LYST: variants seen among roughly 807,000 people sequenced by gnomAD.
LYST encodes the protein lysosomal-trafficking regulator.
In LYST, 192 loss-of-function variants were observed where a neutral mutation model predicts 413.6. The ratio of observed to expected loss-of-function variants is 0.46; its 90% CI spans 0.41 to 0.52. LYST has a LOEUF of 0.52. Among genes scored for constraint, LYST ranks in the 20% least tolerant of loss-of-function variants. The probability of loss-of-function intolerance (pLI) is 0.00; values close to 1 mark genes in which losing one functional copy is unlikely to be tolerated. For missense variants in LYST, 3,815 were observed against 4,499.9 expected, an observed-to-expected ratio of 0.85 and a Z score of 4.35; for synonymous variants, 1,525 against 1,567.3, an observed-to-expected ratio of 0.97 and a Z score of 0.64.
At chr1:235,780,610 A>T (rs1330271407) in intron 16 of LYST, among the ~76,000 whole-genome samples, 2 of 152,054 alleles carry the variant, frequency 1.3e-5, no homozygotes, top group African/African-American at 4.8e-5. Flanking sequence ...GTAGGTATAA[A>T]ATAAACTAAA....
Position 235,662,622 on chromosome 1 carries a change from G to A in LYST, c.*318C>T, listed in dbSNP as rs566381142. Reference sequence around the variant, plus strand: ...TCCTTTTGGAATCATAGAAAAAGGGGAGACCTTAATATTTTCTTTGGAATA... The same window carrying A: ...TCCTTTTGGAATCATAGAAAAAGGGAAGACCTTAATATTTTCTTTGGAATA... On this transcript the variant is annotated 3_prime_UTR_variant, in exon 53 of 53. Transcript: ENST00000389793. 1 of 365,566 alleles carries A rather than the reference G, an allele frequency of 2.7e-6. No homozygotes were observed. The highest frequency in any genetic ancestry group is 2.4e-5 in the South Asian group (1 of 40,980). The allele number at this position is 365,566 out of a possible 1,614,324, so 22.6% of individuals were successfully genotyped here. A position where few individuals can be genotyped will look rare whatever the true frequency, so the allele number is the denominator to read the frequency against.
chr1:235,734,102 G>C (rs1052803149), intron 32 of LYST, among the ~76,000 whole-genome samples, 196 bp from the exon 33 acceptor site: 1 of 151,730 alleles, frequency 6.6e-6, no homozygotes. Context: ...TATAATTTAG[G>C]TCACATAAGT....
chr1:235,754,882 T>C (rs927382535), intron 25 of LYST, among the ~76,000 whole-genome samples: 4 of 150,956 alleles, frequency 2.6e-5, no homozygotes, highest in Non-Finnish European at 4.4e-5. Context: ...GAGACCAGCC[T>C]GGGAAACACT....
At chr1:235,797,542 G>A (rs1007696924) in intron 10 of LYST, among the ~76,000 whole-genome samples, 2 of 152,044 alleles carry the variant, frequency 1.3e-5, no homozygotes, top group Non-Finnish European at 2.9e-5. Context: ...TTCAACAAAC[G>A]ATGCTGAGAA....
Position 235,709,071 on chromosome 1 carries a change from GT to G in LYST, c.10143+19del. ...GTTCTATCTTATATAAATACAGATT[GT>G]TTTAAAAGAGTCACTTACAGCAGGA... On this transcript the variant is annotated intron_variant, in intron 44 of 52. Transcript: ENST00000389793. The G allele has an allele frequency of 6.2e-7, 1 of 1,602,772 alleles. No individual in the cohort carries two copies. The highest frequency in any genetic ancestry group is 8.5e-7 in the Non-Finnish European group (1 of 1,169,692).
In LYST at chr1:235,727,647, GAAT is replaced by G. The variant is rs199582207; in HGVS notation, c.9162+426_9162+428del. Among the ~76,000 whole-genome samples the G allele has an allele frequency of 3.3e-4, 50 of 152,064 alleles. No individual in the cohort carries two copies. In the East Asian group the frequency reaches 8.9e-3, roughly 27 times the overall value. On this transcript the variant is annotated intron_variant, in intron 38 of 52. Transcript: ENST00000389793. ...TTTCTGATTAATATCAGTCTGTCTA[GAAT>G]AATAACAATTATCATTATTAAGCTA... is the stretch of plus-strand genomic sequence containing the variant.
At position 235,775,054 on chromosome 1, in the gene LYST, T is replaced by G; in HGVS notation, c.5493A>C (p.Gln1831His). The G allele has an allele frequency of 6.2e-7, 1 of 1,612,078 alleles. No individual in the cohort carries two copies. Among genetic ancestry groups the G allele is most frequent in the Non-Finnish European group, 8.5e-7 (1 of 1,179,642 alleles). ...AGAGTATAACTCGCAGTGCTAATGC[T>G]TGAGTTTCTTCACAGCTACTGAGTT... ...VVELSSCEETQALALRVILSL... is the reference protein window; with the variant it reads ...VVELSSCEETHALALRVILSL... The change falls in exon 18 of 53, where the codon CAA (glutamine) becomes CAC (histidine). Residue 1831 changes from glutamine to histidine, a missense_variant. By Grantham distance (24) the Gln-to-His change is conservative. Coordinates refer to ENST00000389793, the MANE Select transcript of LYST (RefSeq NM_000081.4).
upstream of LYST, among the ~76,000 whole-genome samples, chr1:235,867,800 C>T (rs991068277): frequency 2.0e-5 from 3 of 152,138 alleles, no homozygotes; most frequent in Admixed American, 2.0e-4. Context: ...TGTAATCGTT[C>T]GGTAGTTTTC....
At chr1:235,717,679 AG>A (rs1662964658) in intron 40 of LYST, among the ~76,000 whole-genome samples, 1 of 151,962 alleles carries the variant, frequency 6.6e-6, no homozygotes, top group African/African-American at 2.4e-5. Flanking sequence ...GAGTCAAACC[AG>A]GTCTGCTTAA....
At chr1:235,722,282 A>T (rs1195331000) in intron 39 of LYST, among the ~76,000 whole-genome samples, 1 of 152,194 alleles carries the variant, frequency 6.6e-6, no homozygotes, top group East Asian at 1.9e-4. Flanking sequence ...TGAATGTGAC[A>T]TGAAAGTGAT....
At chr1:235,730,177 TTC>T (rs1664239088) in intron 36 of LYST, among the ~76,000 whole-genome samples, 1 of 152,084 alleles carries the variant, frequency 6.6e-6, no homozygotes, top group African/African-American at 2.4e-5. Flanking sequence ...GCCAATTATC[TTC>T]TTTGTGTCTC....
chr1:235,880,815 A>AT (rs960347679), intron 1 of LYST, among the ~76,000 whole-genome samples: 40 of 152,200 alleles, frequency 2.6e-4, no homozygotes, highest in African/African-American at 8.9e-4. Context: ...GTATTGCTGC[A>AT]TTTTTTCCTT....
At chr1:235,776,650 T>C (rs1669273712) in intron 17 of LYST, among the ~76,000 whole-genome samples, 2 of 151,978 alleles carry the variant, frequency 1.3e-5, no homozygotes, top group Non-Finnish European at 2.9e-5. Flanking sequence ...ACTTTATATG[T>C]CTCTTTTTTG....
In LYST at chr1:235,818,574, A is replaced by G. The variant is rs140371239; in HGVS notation, c.193-5513T>C. The stretch of plus-strand genomic sequence containing the variant: ...AGATGTACAGATAACATTTCCATGT[A>G]TAGCTCATACTCAGTATACCTCAAC... On this transcript the variant is annotated intron_variant, in intron 3 of 52. Coordinates refer to ENST00000389793, the MANE Select transcript of LYST (RefSeq NM_000081.4). Among the ~76,000 whole-genome samples the G allele has an allele frequency of 6.3e-3, 962 of 152,326 alleles. 8 individuals carry two copies. Among genetic ancestry groups the G allele is most frequent in the African/African-American group, 0.022 (916 of 41,566 alleles).
intron 13 of LYST, 151 bp downstream of exon 13, chr1:235,788,550 G>T (rs1572260225): frequency 2.9e-6 from 2 of 697,230 alleles, no homozygotes; most frequent in East Asian, 5.4e-5. Flanking sequence ...TTATAAAAGT[G>T]GTATTAATAG....
At chr1:235,774,109 A>G in intron 18 of LYST, 118 bp from the exon 19 acceptor site, 2 of 720,950 alleles carry the variant, frequency 2.8e-6, no homozygotes, top group Admixed American at 2.3e-5. Context: ...GCTAGTAAAT[A>G]ATTTAACACT....
chr1:235,862,806 AACACAC>A (rs57043954), intron 1 of LYST, among the ~76,000 whole-genome samples: 13,737 of 121,432 alleles, frequency 0.11, 664 homozygotes, highest in South Asian at 0.15. Context: ...AAAACAAACA[AACACAC>A]ACACACACAC....
intron 20 of LYST, among the ~76,000 whole-genome samples, chr1:235,767,823 G>T (rs550144040): frequency 1.1e-3 from 174 of 152,214 alleles, no homozygotes; most frequent in African/African-American, 4.0e-3. Context: ...AAGTCATTAA[G>T]AATTTCTGAG....
intron 3 of LYST, among the ~76,000 whole-genome samples, chr1:235,818,219 A>G (rs1401256375): frequency 6.6e-6 from 1 of 152,178 alleles, no homozygotes; most frequent in Non-Finnish European, 1.5e-5. Flanking sequence ...GGAGAGGGCT[A>G]GGAGACAAGG....
Sources: gnomAD v4.1 joint callset for allele counts (sites outside exome capture counted in the v4.1 genomes callset) on GRCh38, gnomAD v4.1.1 for gene constraint, MANE v1.5 for transcripts, NCBI Gene and HGNC (gene_info 2026-07-23, HGNC 2026-07-21) for gene names.